CACNA1C: variants seen among roughly 807,000 people sequenced by gnomAD.
The protein encoded by CACNA1C is calcium voltage-gated channel subunit alpha1 C, also known as voltage-dependent L-type calcium channel subunit alpha-1C.
CACNA1C carries 30 observed loss-of-function variants against 229.0 expected under a neutral mutation model. The ratio of observed to expected loss-of-function variants is 0.13; its 90% CI spans 0.10 to 0.18. The LOEUF (loss-of-function observed/expected upper bound fraction) is 0.18, where lower values mean the gene tolerates loss of function less well. CACNA1C is among the 10% of genes least tolerant of loss of function. The pLI, the probability that CACNA1C is intolerant of heterozygous loss-of-function variation, is 1.00. For synonymous variants in CACNA1C, 1,114 were observed against 1,132.5 expected (o/e 0.98, Z 0.33); for missense variants, 1,658 against 2,845.0 (o/e 0.58, Z 9.49).
chr12:2,608,415 C>G lies in CACNA1C; in HGVS notation c.3357-96C>G. ...TCCAGCCCAGAGCTGTCTCCTGCAC[C>G]CTGATCCCTGGGATCCCTGGAGCAG... On this transcript the variant is annotated intron_variant, in intron 26 of 46. Coordinates refer to ENST00000399655, the MANE Select transcript of CACNA1C (RefSeq NM_000719.7). This position sits in a 1 kb window ranked among gnomAD's most constrained non-coding sequence, Gnocchi z 4.2. 1.1e-6 allele frequency: 1 copy of G among 932,916 alleles called. No individual in the cohort carries two copies. The highest frequency in any genetic ancestry group is 1.6e-6 in the Non-Finnish European group (1 of 621,534). 57.8% of individuals were successfully genotyped at this position (932,916 alleles called of 1,614,324 possible).
At position 2,186,656 on chromosome 12, in the gene CACNA1C, T is replaced by A. The variant is rs150933972; in HGVS notation, c.477+66226T>A. On this transcript the variant is annotated intron_variant, in intron 3 of 46. Coordinates refer to ENST00000399655, the MANE Select transcript of CACNA1C (RefSeq NM_000719.7). ...GGAATTCAGCACTTACACGTTTCCA[T>A]AGCACAATGGACATCAGTTTAATCA... is the stretch of plus-strand genomic sequence containing the variant. Among the ~76,000 whole-genome samples the A allele has an allele frequency of 5.9e-4, 90 of 152,330 alleles. 1 individual carries two copies. The East Asian group carries it at 0.015, about 26-fold the overall frequency.
Position 2,468,877 on chromosome 12 carries a change from C to T in CACNA1C, c.757+11171C>T, listed in dbSNP as rs143062505. On this transcript the variant is annotated intron_variant, in intron 5 of 46. Transcript: ENST00000399655. The stretch of plus-strand genomic sequence containing the variant: ...CAAAATGGGAGGGTACAACTGTATT[C>T]GCCCTAGAGTATTAGCCTTTAGATG... 2.8e-4 allele frequency among the ~76,000 whole-genome samples: 43 copies of T among 152,338 alleles called. No individual in the cohort carries two copies. In the Middle Eastern group the frequency reaches 0.01, roughly 36 times the overall value.
intron 5 of CACNA1C, among the ~76,000 whole-genome samples, chr12:2,484,926 T>C (rs2099692194): frequency 1.4e-5 from 2 of 144,002 alleles, no homozygotes; most frequent in South Asian, 4.5e-4. Flanking sequence ...TTTTTTTATC[T>C]TCCCAGCTTG....
At position 2,694,673 on chromosome 12, in the gene CACNA1C, C is replaced by G. The variant is rs1360320823; in HGVS notation, c.*3474C>G. On this transcript the variant is annotated 3_prime_UTR_variant, in exon 47 of 47. Transcript: ENST00000399655. ...GAAGCTACCCGTTACTTTCTCCCAG[C>G]TTTTCTCCACCCAGCATGTCTCCTG... 1 of 152,262 alleles carries G rather than the reference C, an allele frequency of 6.6e-6. No individual in the cohort carries two copies. The highest frequency in any genetic ancestry group is 2.4e-5 in the African/African-American group (1 of 41,456). 9.4% of individuals were successfully genotyped at this position (152,262 alleles called of 1,614,324 possible).
intron 43 of CACNA1C, among the ~76,000 whole-genome samples, chr12:2,684,614 CAG>C (rs1340596284): frequency 2.0e-5 from 3 of 152,240 alleles, no homozygotes; most frequent in African/African-American, 4.8e-5. Context: ...GAAGATAACA[CAG>C]AGTTTCTCAC....
chr12:2,062,906 A>ATTAT (rs2058029356), intron 1 of CACNA1C, among the ~76,000 whole-genome samples: 3 of 152,212 alleles, frequency 2.0e-5, no homozygotes, highest in South Asian at 4.1e-4. Flanking sequence ...GACTTCATGC[A>ATTAT]TTATTTATTT....
In CACNA1C at chr12:2,053,203, G is replaced by A. The variant is rs11062091; in HGVS notation, c.-360G>A. 0.17 allele frequency: 172,095 copies of A among 1,000,742 alleles called. 14,884 individuals are homozygous for A. Among genetic ancestry groups the A allele is most frequent in the African/African-American group, 0.19 (10,745 of 57,674 alleles). The allele number at this position is 1,000,742 out of a possible 1,614,324, so 62.0% of individuals were successfully genotyped here. ...CTGCCGGCCCAGGCGGGCCCCGCGC[G>A]CCCCCCGCCCCTCCTCTCCGCCTCT... On this transcript the variant is annotated 5_prime_UTR_variant, in exon 1 of 47. Transcript: ENST00000399655. This position sits in a 1 kb window ranked among gnomAD's most constrained non-coding sequence, Gnocchi z 5.8.
At chr12:2,417,517 A>G (rs1234156389) in intron 3 of CACNA1C, among the ~76,000 whole-genome samples, 1 of 152,150 alleles carries the variant, frequency 6.6e-6, no homozygotes, top group Non-Finnish European at 1.5e-5. Context: ...GGTACGCGCC[A>G]AGGACCTCTT....
At chr12:2,530,426 C>T (rs971324505) in intron 9 of CACNA1C, among the ~76,000 whole-genome samples, 2 of 152,170 alleles carry the variant, frequency 1.3e-5, no homozygotes, top group African/African-American at 4.8e-5. Flanking sequence ...GTTACTGGTT[C>T]CTAGAAGTAA....
At chr12:2,481,000 G>A (rs1340179014) in intron 5 of CACNA1C, among the ~76,000 whole-genome samples, 1 of 152,172 alleles carries the variant, frequency 6.6e-6, no homozygotes, top group Non-Finnish European at 1.5e-5. Flanking sequence ...AGGGAAGTAT[G>A]GGTTGAAGAT....
chr12:2,424,365 A>T lies in CACNA1C; in HGVS notation c.478-24611A>T, dbSNP rs137916675. 4.6e-5 allele frequency among the ~76,000 whole-genome samples: 7 copies of T among 152,214 alleles called. No individual in the cohort carries two copies. In the East Asian group the frequency reaches 1.4e-3, roughly 29 times the overall value. ...GGAGAGGAAAAGTCAAGGGGGAGGG[A>T]GGGAAAACGGGGAGAAGGTGAGAGA... On this transcript the variant is annotated intron_variant, in intron 3 of 46. Transcript: ENST00000399655.
chr12:2,516,852 A>G (rs1289470204), intron 9 of CACNA1C, among the ~76,000 whole-genome samples: 4 of 152,162 alleles, frequency 2.6e-5, no homozygotes, highest in Admixed American at 2.6e-4. Flanking sequence ...GCTGAACTGT[A>G]ATTTGGGAAG....
chr12:2,567,573 G>A lies in CACNA1C; in HGVS notation c.1674G>A (p.Thr558=), dbSNP rs781180544. The A allele has an allele frequency of 5.4e-5, 86 of 1,581,408 alleles. No individual in the cohort carries two copies. The East Asian group carries it at 1.1e-3, about 21-fold the overall frequency. Reference sequence around the variant, plus strand: ...TCCCTCTCCTGGGCCTGCCAGACACGGCAAACAAGGCCCTGCTGGCCCTGT... The same window carrying A: ...TCCCTCTCCTGGGCCTGCCAGACACAGCAAACAAGGCCCTGCTGGCCCTGT... ...QPNWLTEVQD[T]ANKALLALFT... Residue 558 remains threonine, a synonymous_variant, in exon 13 of 47, where the codon ACG becomes ACA. Transcript: ENST00000399655.
intron 3 of CACNA1C, among the ~76,000 whole-genome samples, chr12:2,376,699 C>A (rs530250514): frequency 6.6e-6 from 1 of 152,260 alleles, no homozygotes; most frequent in African/African-American, 2.4e-5. Flanking sequence ...GAGGGCAAGA[C>A]CACCCCAAGA....
intron 4 of CACNA1C, among the ~76,000 whole-genome samples, chr12:2,456,944 T>G: frequency 6.6e-6 from 1 of 152,236 alleles, no homozygotes; most frequent in East Asian, 1.9e-4. Flanking sequence ...GGAGTGAATA[T>G]GCCAGCTCAG....
At chr12:2,072,587 T>G (rs1328697507) in intron 1 of CACNA1C, among the ~76,000 whole-genome samples, 1 of 152,260 alleles carries the variant, frequency 6.6e-6, no homozygotes, top group African/African-American at 2.4e-5. Flanking sequence ...TGGAACTTAC[T>G]TATTTACAGA....
intron 1 of CACNA1C, among the ~76,000 whole-genome samples, chr12:2,093,863 C>G (rs1173199217): frequency 6.6e-6 from 1 of 152,198 alleles, no homozygotes; most frequent in African/African-American, 2.4e-5. Context: ...AGGGGACCAC[C>G]CAATAACAAA....
intron 3 of CACNA1C, among the ~76,000 whole-genome samples, chr12:2,297,385 C>T (rs2094142174): frequency 6.6e-6 from 1 of 152,218 alleles, no homozygotes; most frequent in Non-Finnish European, 1.5e-5. Flanking sequence ...TTGGCAGTAT[C>T]AAAGGGTTGT....
chr12:2,203,090 G>T (rs542937935), intron 3 of CACNA1C, among the ~76,000 whole-genome samples: 8 of 152,148 alleles, frequency 5.3e-5, no homozygotes, highest in Admixed American at 4.6e-4. Context: ...TTCCATGCTG[G>T]GGGTGTAGCC....
Sources: gnomAD v4.1 joint callset for allele counts (sites outside exome capture counted in the v4.1 genomes callset) on GRCh38, gnomAD v4.1.1 for gene constraint, Gnocchi (gnomAD v3.1) non-coding constraint, MANE v1.5 for transcripts, NCBI Gene and HGNC (gene_info 2026-07-23, HGNC 2026-07-21) for gene names.